The following LDLRAD4 variants were observed in gnomAD, a reference collection of about 807,000 sequenced individuals.
LDLRAD4 encodes the protein low-density lipoprotein receptor class A domain-containing protein 4.
LDLRAD4 carries 5 observed loss-of-function variants against 17.0 expected under a neutral mutation model. The ratio of observed to expected loss-of-function variants is 0.29; its 90% CI spans 0.15 to 0.62. The LOEUF (loss-of-function observed/expected upper bound fraction) is 0.62. Among genes scored for constraint, LDLRAD4 ranks in the 20% least tolerant of loss-of-function variants. LDLRAD4 has a pLI of 0.84. For missense variants in LDLRAD4, 340 were observed against 424.7 expected, an observed-to-expected ratio of 0.80 and a Z score of 1.75; for synonymous variants, 168 against 171.8, an observed-to-expected ratio of 0.98 and a Z score of 0.17.
At chr18:13,414,799 A>G (rs994679943) in intron 2 of LDLRAD4, among the ~76,000 whole-genome samples, 3 of 152,122 alleles carry the variant, frequency 2.0e-5, no homozygotes, top group Non-Finnish European at 4.4e-5. Flanking sequence ...GGGTGGCTTC[A>G]TTATTTGCCA....
rs148220095 is a variant in LDLRAD4, at chr18:13,642,357, G to T, written c.337-1002G>T. 2.9e-3 allele frequency: 2,893 copies of T among 1,015,044 alleles called. 71 individuals carry two copies. In the African/African-American group the frequency reaches 0.044, roughly 15 times the overall value. 62.9% of individuals were successfully genotyped at this position (1,015,044 alleles called of 1,614,324 possible). On this transcript the variant is annotated intron_variant, in intron 4 of 5. Coordinates refer to ENST00000359446, the Ensembl canonical transcript of LDLRAD4. ...GACGGCCGACAGCCCCGCGGACCCTGCTGACAGCCACACTCTGGGCTGAAA... is the reference window on the plus strand; with the variant it reads ...GACGGCCGACAGCCCCGCGGACCCTTCTGACAGCCACACTCTGGGCTGAAA...
chr18:13,476,801 G>T (rs2092951923), intron 3 of LDLRAD4, among the ~76,000 whole-genome samples: 1 of 152,092 alleles, frequency 6.6e-6, no homozygotes, highest in Admixed American at 6.5e-5. Context: ...ACTCACTGTG[G>T]GACCTGCTTG....
At chr18:13,416,244 C>A (rs527760989) in intron 2 of LDLRAD4, among the ~76,000 whole-genome samples, 1 of 152,178 alleles carries the variant, frequency 6.6e-6, no homozygotes, top group Non-Finnish European at 1.5e-5. Flanking sequence ...GCTTTAAATG[C>A]GAATGCCCAC....
rs527762216 is a variant in LDLRAD4 at position 13,356,796 on chromosome 18, C to T, written c.-382-30545C>T. Among the ~76,000 whole-genome samples, 130 of 152,236 alleles carry T rather than the reference C, an allele frequency of 8.5e-4. 1 individual carries two copies. The highest frequency in any genetic ancestry group is 1.5e-3 in the Non-Finnish European group (101 of 68,008). On this transcript the variant is annotated intron_variant, in intron 1 of 5. Transcript: ENST00000359446. Reference sequence around the variant, plus strand: ...TAACATTTCTTTATGGCTTTATCATCCAAATTTGAGCTATAGTTTAATCTT... The same window carrying T: ...TAACATTTCTTTATGGCTTTATCATTCAAATTTGAGCTATAGTTTAATCTT...
chr18:13,450,049 A>G (rs556414252), intron 3 of LDLRAD4, among the ~76,000 whole-genome samples: 3 of 152,308 alleles, frequency 2.0e-5, no homozygotes, highest in East Asian at 3.9e-4. Context: ...TTCCATTTGC[A>G]TAGGCTTTGG....
At chr18:13,404,336 A>G (rs553653057) in intron 2 of LDLRAD4, among the ~76,000 whole-genome samples, 17 of 152,204 alleles carry the variant, frequency 1.1e-4, no homozygotes, top group African/African-American at 3.6e-4. Context: ...CGGAGGCCGG[A>G]TGCTCAACAG....
At chr18:13,642,707 G>A in intron 4 of LDLRAD4, 14 of 1,231,558 alleles carry the variant, frequency 1.1e-5, no homozygotes, top group Non-Finnish European at 1.4e-5. Context: ...CTCATCGGGC[G>A]GCCACTGAAT....
chr18:13,278,510 G>T (rs946844180), intron 1 of LDLRAD4: 1 of 152,166 alleles, frequency 6.6e-6, no homozygotes, highest in Non-Finnish European at 1.5e-5. Context: ...GCCCTGCTCC[G>T]CTCGAGACGC....
intron 3 of LDLRAD4, among the ~76,000 whole-genome samples, chr18:13,477,356 C>T (rs1321263512): frequency 6.6e-6 from 1 of 152,178 alleles, no homozygotes; most frequent in African/African-American, 2.4e-5. Context: ...AGAAAGCATC[C>T]AGCAGCAGGT....
chr18:13,226,180 C>CTTTTTTTTTTTTTTTTTTTTTT lies in LDLRAD4; in HGVS notation c.-467+7213_-467+7214insTTTTTTTTTTTTTTTTTTTTTT, dbSNP rs71174166. On this transcript the variant is annotated intron_variant, in intron 1 of 5. Transcript: ENST00000399848. ...GGACTACAGATGCTGCCATGCCTTG[C>CTTTTTTTTTTTTTTTTTTTTTT]TTTTTTTTTTTTTTTTTTTTTGTAG... Among the ~76,000 whole-genome samples, 88 of 52,204 alleles carry CTTTTTTTTTTTTTTTTTTTTTT rather than the reference C, an allele frequency of 1.7e-3. 30 individuals carry two copies. The highest frequency in any genetic ancestry group is 5.5e-3 in the East Asian group (9 of 1,636). 34.2% of individuals were successfully genotyped at this position (52,204 alleles called of 152,430 possible).
chr18:13,370,724 T>TGTTTG (rs55725860), intron 1 of LDLRAD4, among the ~76,000 whole-genome samples: 1 of 146,080 alleles, frequency 6.8e-6, no homozygotes, highest in Non-Finnish European at 1.5e-5. Context: ...TTTTTTTTTT[T>TGTTTG]TTTTGAGATG....
At chr18:13,642,975 G>A (rs1035963127) in intron 4 of LDLRAD4, among the ~76,000 whole-genome samples, 15 of 147,440 alleles carry the variant, frequency 1.0e-4, no homozygotes, top group African/African-American at 3.3e-4. Context: ...TCACTCTGTC[G>A]CCCAGGCTGG....
intron 1 of LDLRAD4, among the ~76,000 whole-genome samples, chr18:13,315,988 T>C (rs1051531216): frequency 2.6e-5 from 4 of 151,732 alleles, no homozygotes; most frequent in African/African-American, 9.7e-5. Flanking sequence ...GGAAAGAGCA[T>C]GAGAGCCACG....
chr18:13,650,195 G>C lies in LDLRAD4; in HGVS notation c.*4538G>C, dbSNP rs574247763. 8 of 400,486 alleles carry C rather than the reference G, an allele frequency of 2.0e-5. No homozygotes were observed. The East Asian group carries it at 2.8e-4, about 14-fold the overall frequency. 24.8% of individuals were successfully genotyped at this position (400,486 alleles called of 1,614,324 possible). On this transcript the variant is annotated 3_prime_UTR_variant, in exon 6 of 6. Coordinates refer to ENST00000359446, the Ensembl canonical transcript of LDLRAD4. ...AGCATTCTTTATTACCCGGCACGCT[G>C]TGTCCTTTGCAGAGTTCAAGTTTAT... is the stretch of plus-strand genomic sequence containing the variant.
At chr18:13,417,965 T>C (rs1186011716) in intron 2 of LDLRAD4, among the ~76,000 whole-genome samples, 1 of 152,202 alleles carries the variant, frequency 6.6e-6, no homozygotes, top group Non-Finnish European at 1.5e-5. Flanking sequence ...ACACCACTTA[T>C]CCACGGAGGA....
chr18:13,500,242 C>CG (rs967137937), intron 3 of LDLRAD4, among the ~76,000 whole-genome samples: 1 of 147,134 alleles, frequency 6.8e-6, no homozygotes, highest in African/African-American at 2.4e-5. Context: ...CCTGACGGCC[C>CG]GGGAATAGCA....
upstream of LDLRAD4, among the ~76,000 whole-genome samples, chr18:13,275,371 G>A (rs926363644): frequency 2.6e-5 from 4 of 152,204 alleles, no homozygotes; most frequent in Non-Finnish European, 5.9e-5. Context: ...AATCAGTGCT[G>A]GAGAAGTTGT....
intron 3 of LDLRAD4, among the ~76,000 whole-genome samples, chr18:13,551,019 G>A (rs555030660): frequency 6.6e-6 from 1 of 152,264 alleles, no homozygotes; most frequent in Admixed American, 6.5e-5. Context: ...GCCTCTGGGG[G>A]ATAGCAGAGC....
intron 1 of LDLRAD4, among the ~76,000 whole-genome samples, chr18:13,329,994 T>C (rs1052047426): frequency 6.7e-6 from 1 of 150,272 alleles, no homozygotes; most frequent in Non-Finnish European, 1.5e-5. Context: ...CTCACTCTGT[T>C]GCCCAGGCTG....
Sources: gnomAD v4.1 joint callset for allele counts (sites outside exome capture counted in the v4.1 genomes callset) on GRCh38, gnomAD v4.1.1 for gene constraint, MANE v1.5 for transcripts, NCBI Gene and HGNC (gene_info 2026-07-23, HGNC 2026-07-21) for gene names.